LEPR: variants seen among roughly 807,000 people sequenced by gnomAD.
The protein encoded by LEPR is OB receptor.
Under a neutral mutation model 114.7 loss-of-function variants are expected in LEPR, and 56 were observed. That is an observed-to-expected ratio of 0.49 (90% CI 0.39 to 0.61). The LOEUF is 0.61. Ranked by LOEUF, LEPR falls within the 20% of genes least tolerant of loss-of-function variation. The pLI is 0.00. For synonymous variants in LEPR, 443 were observed against 461.4 expected (o/e 0.96, Z 0.51); for missense variants, 1,202 against 1,352.9 (o/e 0.89, Z 1.75).
In LEPR at chr1:65,636,421, G is replaced by A. The variant is rs1253726419; in HGVS notation, c.2904G>A (p.Glu968=). ...QFNSVNFSEA[E]GTEVTYEDES... ...ACAGTGTTAACTTCTCTGAGGCTGA[G>A]GGTACTGAGGTAACCTATGAGGACG... The change falls in exon 20 of 20, where the codon GAG becomes GAA. Residue 968 remains glutamate (E), a synonymous_variant. Transcript: ENST00000349533. 6.2e-7 allele frequency: 1 copy of A among 1,614,062 alleles called. No individual in the cohort carries two copies. Among genetic ancestry groups the A allele is most frequent in the Non-Finnish European group, 8.5e-7 (1 of 1,179,986 alleles).
At chr1:65,613,746 C>T (rs1657334638) in intron 14 of LEPR, among the ~76,000 whole-genome samples, 3 of 66,760 alleles carry the variant, frequency 4.5e-5, no homozygotes, top group Admixed American at 1.9e-4. Context: ...GGCAACAGAG[C>T]GAGACTCCGT....
In LEPR at chr1:65,512,331, C is replaced by T. The variant is rs573425033; in HGVS notation, c.-20-53215C>T. ...ATTACAACTGGACATGAGATTTGGGCGGGGACACAAATCTAAACCCTATCA... is the reference window on the plus strand; with the variant it reads ...ATTACAACTGGACATGAGATTTGGGTGGGGACACAAATCTAAACCCTATCA... On this transcript the variant is annotated intron_variant, in intron 2 of 19. Coordinates refer to ENST00000349533, the MANE Select transcript of LEPR (RefSeq NM_002303.6). 7.2e-5 allele frequency among the ~76,000 whole-genome samples: 11 copies of T among 152,168 alleles called. No homozygotes were observed. In the East Asian group the frequency reaches 1.9e-3, roughly 27 times the overall value.
At chr1:65,451,831 T>A (rs1210122312) in intron 2 of LEPR, among the ~76,000 whole-genome samples, 1 of 152,062 alleles carries the variant, frequency 6.6e-6, no homozygotes, top group African/African-American at 2.4e-5. Context: ...ATTGGTAGCT[T>A]GATGGGTATG....
Position 65,610,010 on chromosome 1 carries a change from G to A in LEPR, c.1816G>A (p.Val606Ile). The change falls in exon 13 of 20, where the codon GTC (valine) becomes ATC (isoleucine). Residue 606 changes from valine to isoleucine, a missense_variant. Physicochemically the swap from Val to Ile is conservative, Grantham distance 29 (BLOSUM62 3). Coordinates refer to ENST00000349533, the MANE Select transcript of LEPR (RefSeq NM_002303.6). Reference sequence around the variant, plus strand: ...TCTCCCAGTTCCAGACTTGTGTGCAGTCTATGCTGTTCAGGTGCGCTGTAA... The same window carrying A: ...TCTCCCAGTTCCAGACTTGTGTGCAATCTATGCTGTTCAGGTGCGCTGTAA... ...VSLPVPDLCA[V>I]YAVQVRCKRL... The A allele has an allele frequency of 1.2e-6, 2 of 1,614,242 alleles. No homozygotes were observed. The highest frequency in any genetic ancestry group is 1.7e-6 in the Non-Finnish European group (2 of 1,180,026).
In LEPR at chr1:65,452,111, T is replaced by C. The variant is rs1646794370; in HGVS notation, c.-21+26733T>C. 2.0e-5 allele frequency among the ~76,000 whole-genome samples: 3 copies of C among 152,212 alleles called. No individual in the cohort carries two copies. In the South Asian group the frequency reaches 6.2e-4, roughly 32 times the overall value. Reference sequence around the variant, plus strand: ...TATTGGTGTATAAGAATGCTTGTGATTTTTGTACATTGATTTTGTATCCTG... The same window carrying C: ...TATTGGTGTATAAGAATGCTTGTGACTTTTGTACATTGATTTTGTATCCTG... On this transcript the variant is annotated intron_variant, in intron 2 of 19. Transcript: ENST00000349533.
intron 2 of LEPR, among the ~76,000 whole-genome samples, chr1:65,528,580 A>G (rs184351315): frequency 2.6e-5 from 4 of 152,162 alleles, no homozygotes; most frequent in Admixed American, 2.6e-4. Context: ...TTATATAAAT[A>G]TAAATAAAAT....
chr1:65,514,740 A>G (rs1357293644), intron 2 of LEPR, among the ~76,000 whole-genome samples: 3 of 152,238 alleles, frequency 2.0e-5, no homozygotes, highest in Non-Finnish European at 4.4e-5. Flanking sequence ...TGAAGTATCT[A>G]TTCTTCAAAT....
intron 2 of LEPR, among the ~76,000 whole-genome samples, chr1:65,470,491 T>C (rs1000419680): frequency 7.2e-5 from 11 of 152,238 alleles, no homozygotes; most frequent in African/African-American, 2.2e-4. Flanking sequence ...AAAACACTTA[T>C]TAATTAGTAG....
At chr1:65,517,063 G>C (rs956828703) in intron 2 of LEPR, among the ~76,000 whole-genome samples, 1 of 152,174 alleles carries the variant, frequency 6.6e-6, no homozygotes, top group Non-Finnish European at 1.5e-5. Flanking sequence ...ATGGTTTTTA[G>C]ATGGTAATAG....
intron 14 of LEPR, among the ~76,000 whole-genome samples, chr1:65,611,186 C>T (rs189705612): frequency 2.0e-5 from 3 of 152,104 alleles, no homozygotes; most frequent in Non-Finnish European, 1.5e-5. Flanking sequence ...TGTTATTGCT[C>T]TCTTTTCTTT....
Position 65,446,391 on chromosome 1 carries a change from T to C in LEPR, c.-21+21013T>C, listed in dbSNP as rs115158412. ...GCGCTAGTGGGAGTGTCTTTTGGTA[T>C]GCTAATACATTATAATTAGTGTATA... On this transcript the variant is annotated intron_variant, in intron 2 of 19. Transcript: ENST00000349533. 5.0e-3 allele frequency among the ~76,000 whole-genome samples: 765 copies of C among 152,338 alleles called. 8 individuals carry two copies. Among genetic ancestry groups the C allele is most frequent in the African/African-American group, 0.018 (737 of 41,580 alleles).
At chr1:65,586,133 A>G (rs1655298886) in intron 5 of LEPR, among the ~76,000 whole-genome samples, 1 of 152,004 alleles carries the variant, frequency 6.6e-6, no homozygotes, top group Non-Finnish European at 1.5e-5. Flanking sequence ...TTGTGACAAT[A>G]AGGCACGTTG....
Position 65,596,490 on chromosome 1 carries a change from A to G in LEPR, c.746A>G (p.Asp249Gly), listed in dbSNP as rs1343366841. The G allele has an allele frequency of 6.2e-7, 1 of 1,612,802 alleles. No homozygotes were observed. Among genetic ancestry groups the G allele is most frequent in the Non-Finnish European group, 8.5e-7 (1 of 1,179,260 alleles). Residue 249 changes from aspartate (D) to glycine (G), a missense_variant, in exon 7 of 20, where the codon GAT (aspartate) becomes GGT (glycine). By Grantham distance (94) the Asp-to-Gly change is moderately conservative. Coordinates refer to ENST00000349533, the MANE Select transcript of LEPR (RefSeq NM_002303.6). ...PPLGLHMEIT[D>G]DGNLKISWSS... is the part of the protein sequence containing the mutation. Reference sequence around the variant, plus strand: ...TTAGGTTTGCATATGGAAATCACAGATGATGGTAATTTAAAGATTTCTTGG... The same window carrying G: ...TTAGGTTTGCATATGGAAATCACAGGTGATGGTAATTTAAAGATTTCTTGG...
In LEPR at chr1:65,596,586, T is replaced by C. The variant is rs749251915; in HGVS notation, c.842T>C (p.Ile281Thr). ...TATTCAGAGAATTCTACAACAGTTA[T>C]CAGAGAAGTAAGTATATTTTAGTAA... ...VKYSENSTTV[I>T]READKIVSAT... The change falls in exon 7 of 20, where the codon ATC becomes ACC. Residue 281 changes from isoleucine (I) to threonine (T), a missense_variant. Coordinates refer to ENST00000349533, the MANE Select transcript of LEPR (RefSeq NM_002303.6). 16 of 1,611,920 alleles carry C rather than the reference T, an allele frequency of 9.9e-6. No homozygotes were observed. Among genetic ancestry groups the C allele is most frequent in the Non-Finnish European group, 1.3e-5 (15 of 1,178,712 alleles).
chr1:65,480,958 A>T (rs889331240), intron 2 of LEPR, among the ~76,000 whole-genome samples: 2 of 152,240 alleles, frequency 1.3e-5, no homozygotes, highest in African/African-American at 4.8e-5. Context: ...TAGAGCTCTT[A>T]TAACAAAATA....
chr1:65,554,329 G>C (rs995061623), intron 2 of LEPR, among the ~76,000 whole-genome samples: 3 of 152,190 alleles, frequency 2.0e-5, no homozygotes, highest in Admixed American at 2.0e-4. Context: ...CCCCCAGGGA[G>C]AATGCTGTGT....
intron 2 of LEPR, among the ~76,000 whole-genome samples, chr1:65,479,795 AT>A (rs541792681): frequency 1.6e-4 from 25 of 152,212 alleles, no homozygotes; most frequent in Admixed American, 1.1e-3. Flanking sequence ...AATCAGCAGC[AT>A]TCACTGCTTT....
intron 2 of LEPR, among the ~76,000 whole-genome samples, chr1:65,510,373 A>G (rs1648968151): frequency 6.6e-6 from 1 of 152,202 alleles, no homozygotes; most frequent in South Asian, 2.1e-4. Flanking sequence ...TAGGTAACTC[A>G]CAGAATTAAA....
intron 2 of LEPR, among the ~76,000 whole-genome samples, chr1:65,549,169 G>T (rs1373458958): frequency 6.6e-6 from 1 of 151,314 alleles, no homozygotes; most frequent in South Asian, 2.1e-4. Flanking sequence ...AGTTTCTGCC[G>T]TGAGATCCGC....
Sources: gnomAD v4.1 joint callset for allele counts (sites outside exome capture counted in the v4.1 genomes callset) on GRCh38, gnomAD v4.1.1 for gene constraint, MANE v1.5 for transcripts, NCBI Gene and HGNC (gene_info 2026-07-23, HGNC 2026-07-21) for gene names.